ACTN1: variants seen among roughly 807,000 people sequenced by gnomAD.
ACTN1 encodes actinin alpha 1, also known as alpha-actinin-1.
ACTN1 carries 30 observed loss-of-function variants against 119.6 expected under a neutral mutation model. The ratio of observed to expected loss-of-function variants is 0.25; its 90% CI spans 0.19 to 0.34. The LOEUF (loss-of-function observed/expected upper bound fraction) is 0.34, where lower values mean the gene tolerates loss of function less well. Among genes scored for constraint, ACTN1 ranks in the 10% least tolerant of loss-of-function variants. The probability of loss-of-function intolerance (pLI) is 1.00; values close to 1 mark genes in which losing one functional copy is unlikely to be tolerated. For synonymous variants in ACTN1, 429 were observed against 472.6 expected, an observed-to-expected ratio of 0.91 and a Z score of 1.20; for missense variants, 764 against 1,223.4, an observed-to-expected ratio of 0.62 and a Z score of 5.60.
At chr14:68,926,363 T>G (rs1055476419) in intron 1 of ACTN1, among the ~76,000 whole-genome samples, 1 of 152,188 alleles carries the variant, frequency 6.6e-6, no homozygotes, top group African/African-American at 2.4e-5. Flanking sequence ...CAGATTATGA[T>G]CAGGTGAGGC....
At chr14:68,955,342 C>T (rs2036319090) in intron 1 of ACTN1, among the ~76,000 whole-genome samples, 1 of 152,100 alleles carries the variant, frequency 6.6e-6, no homozygotes, top group Admixed American at 6.5e-5. Flanking sequence ...GCTGGCAGAC[C>T]CCCAGGCTGA....
rs548565649 is a variant in ACTN1, at chr14:68,888,837, T to C, written c.1234+1302A>G. Among the ~76,000 whole-genome samples the C allele has an allele frequency of 2.6e-5, 4 of 152,156 alleles. No homozygotes were observed. In the East Asian group the frequency reaches 5.8e-4, roughly 22 times the overall value. ...TGCCTGATGATCTGAAGTAGAACAG[T>C]CATCCTGAAAGCATCTGCCTCCTCC... is the stretch of plus-strand genomic sequence containing the variant. On this transcript the variant is annotated intron_variant, in intron 11 of 21. Coordinates refer to ENST00000394419, the MANE Select transcript of ACTN1 (RefSeq NM_001130004.2).
chr14:68,912,347 G>A, intron 3 of ACTN1, 105 bp from the exon 4 acceptor site: 1 of 886,504 alleles, frequency 1.1e-6, no homozygotes, highest in Non-Finnish European at 1.9e-6. Context: ...GGAATCAAAA[G>A]ACTCCAGAGC....
intron 8 of ACTN1, among the ~76,000 whole-genome samples, chr14:68,900,308 T>C (rs925499239): frequency 3.9e-5 from 6 of 152,066 alleles, no homozygotes; most frequent in Non-Finnish European, 5.9e-5. Flanking sequence ...CAAATCTCCA[T>C]TGTCCACTGC....
chr14:68,943,461 C>T (rs1351899738), intron 1 of ACTN1, among the ~76,000 whole-genome samples: 1 of 152,100 alleles, frequency 6.6e-6, no homozygotes, highest in Non-Finnish European at 1.5e-5. Context: ...CCACCAGCAC[C>T]GGGGCTCCTA....
chr14:68,887,889 C>T, intron 11 of ACTN1: 1 of 860,056 alleles, frequency 1.2e-6, no homozygotes, highest in Non-Finnish European at 2.0e-6. Flanking sequence ...TCTTAGTTAG[C>T]CACTTCGGCC....
chr14:68,884,602 G>GCTT (rs2031841647), intron 13 of ACTN1, among the ~76,000 whole-genome samples, 173 bp downstream of exon 13: 1 of 152,234 alleles, frequency 6.6e-6, no homozygotes, highest in East Asian at 1.9e-4. Flanking sequence ...ATCGCCATGA[G>GCTT]GGCAAAGTCC....
chr14:68,977,062 G>A (rs1457592351), intron 1 of ACTN1, among the ~76,000 whole-genome samples: 1 of 152,110 alleles, frequency 6.6e-6, no homozygotes, highest in Admixed American at 6.5e-5. Flanking sequence ...AGTCCTTTCA[G>A]GGGCCTAGTT....
chr14:68,912,504 G>A (rs1386745433), intron 3 of ACTN1, among the ~76,000 whole-genome samples: 1 of 151,946 alleles, frequency 6.6e-6, no homozygotes, highest in Non-Finnish European at 1.5e-5. Context: ...TCACCTTCCT[G>A]GGTAGCTGGG....
At chr14:68,949,409 T>C (rs2036055063) in intron 1 of ACTN1, among the ~76,000 whole-genome samples, 1 of 152,210 alleles carries the variant, frequency 6.6e-6, no homozygotes, top group Non-Finnish European at 1.5e-5. Flanking sequence ...AGCTCCACAG[T>C]GTGCCCTCGG....
chr14:68,875,341 A>G (rs1392897217), intron 21 of ACTN1, among the ~76,000 whole-genome samples: 1 of 152,254 alleles, frequency 6.6e-6, no homozygotes, highest in Non-Finnish European at 1.5e-5. Context: ...CTGGAGCAGT[A>G]TCAGCAGATA....
At chr14:68,892,410 T>TC in intron 9 of ACTN1, 127 bp from the exon 10 acceptor site, 1 of 927,254 alleles carries the variant, frequency 1.1e-6, no homozygotes. Context: ...GCACACTCCT[T>TC]CCCAACCACT....
In ACTN1 at chr14:68,925,823, A is replaced by G; in HGVS notation, c.106-151T>C. On this transcript the variant is annotated intron_variant, in intron 1 of 21. Coordinates refer to ENST00000394419, the MANE Select transcript of ACTN1 (RefSeq NM_001130004.2). This position sits in a 1 kb window ranked among gnomAD's most constrained non-coding sequence, Gnocchi z 4.3. ...GCCCCACCATGGTCTCATTCACTGC[A>G]TCAACCAAGCACTGAGCTACCCACA... 1 of 588,592 alleles carries G rather than the reference A, an allele frequency of 1.7e-6. No individual in the cohort carries two copies. Among genetic ancestry groups the G allele is most frequent in the Non-Finnish European group, 3.0e-6 (1 of 335,122 alleles). The allele number at this position is 588,592 out of a possible 1,614,324, so 36.5% of individuals were successfully genotyped here. A position where few individuals can be genotyped will look rare whatever the true frequency, so the allele number is the denominator to read the frequency against.
At chr14:68,899,989 G>A (rs912816371) in intron 8 of ACTN1, among the ~76,000 whole-genome samples, 1 of 152,094 alleles carries the variant, frequency 6.6e-6, no homozygotes, top group Non-Finnish European at 1.5e-5. Flanking sequence ...AGGACAAAGA[G>A]GAAGCAGAAG....
chr14:68,894,414 G>C (rs372041706), intron 8 of ACTN1, among the ~76,000 whole-genome samples: 1 of 152,174 alleles, frequency 6.6e-6, no homozygotes, highest in African/African-American at 2.4e-5. Context: ...CATGCGCTGC[G>C]TGCTGGGCTA....
chr14:68,964,219 G>A lies in ACTN1; in HGVS notation c.105+14733C>T, dbSNP rs1295938711. Among the ~76,000 whole-genome samples, 8 of 152,312 alleles carry A rather than the reference G, an allele frequency of 5.3e-5. No homozygotes were observed. In the South Asian group the frequency reaches 1.0e-3, roughly 20 times the overall value. On this transcript the variant is annotated intron_variant, in intron 1 of 21. Coordinates refer to ENST00000394419, the MANE Select transcript of ACTN1 (RefSeq NM_001130004.2). ...CTTGAAGGCCCCCATGCACAGGGGCGTCATCAAAAGGCAGCAAGCAGCTGC... is the reference window on the plus strand; with the variant it reads ...CTTGAAGGCCCCCATGCACAGGGGCATCATCAAAAGGCAGCAAGCAGCTGC...
At chr14:68,941,729 A>C (rs1254593429) in intron 1 of ACTN1, among the ~76,000 whole-genome samples, 4 of 152,170 alleles carry the variant, frequency 2.6e-5, no homozygotes, top group Non-Finnish European at 5.9e-5. Flanking sequence ...CATGAGACAA[A>C]AAGAACGACT....
intron 1 of ACTN1, among the ~76,000 whole-genome samples, chr14:68,943,225 TCAGCAAGCAGGGAG>T (rs1428357054): frequency 1.3e-5 from 2 of 152,034 alleles, no homozygotes; most frequent in Non-Finnish European, 2.9e-5. Context: ...CGGCAAGGTA[TCAGCAAGCAGGGAG>T]CAGCAAGCTG....
At chr14:68,969,718 G>C (rs2036820431) in intron 1 of ACTN1, among the ~76,000 whole-genome samples, 1 of 152,166 alleles carries the variant, frequency 6.6e-6, no homozygotes, top group African/African-American at 2.4e-5. Context: ...ACCCCATATT[G>C]GGGGTGTCGA....
Sources: allele counts gnomAD v4.1 joint callset (sites outside exome capture counted in the v4.1 genomes callset), GRCh38; gene constraint gnomAD v4.1.1; non-coding constraint Gnocchi (gnomAD v3.1); transcripts MANE v1.5; gene names NCBI Gene and HGNC (gene_info 2026-07-23, HGNC 2026-07-21).